CPNE8: variants seen among roughly 807,000 people sequenced by gnomAD.
CPNE8 encodes the protein copine 8, also known as copine-8.
CPNE8 carries 45 observed loss-of-function variants against 81.5 expected under a neutral mutation model. That is an observed-to-expected ratio of 0.55 (90% CI 0.44 to 0.71). The LOEUF is 0.71. Among genes scored for constraint, CPNE8 ranks in the 30% least tolerant of loss-of-function variants. CPNE8 has a pLI of 0.00. For missense variants in CPNE8, 594 were observed against 672.1 expected, an observed-to-expected ratio of 0.88 and a Z score of 1.28; for synonymous variants, 252 against 226.3, an observed-to-expected ratio of 1.11 and a Z score of -1.02.
chr12:38,791,893 A>G (rs1942331805), intron 6 of CPNE8, among the ~76,000 whole-genome samples: 1 of 151,624 alleles, frequency 6.6e-6, no homozygotes, highest in Admixed American at 6.6e-5. Context: ...ATATTTTTCA[A>G]TTACAATGGA....
chr12:38,790,723 T>C (rs826837), intron 6 of CPNE8, among the ~76,000 whole-genome samples: 122,495 of 151,536 alleles, frequency 0.81, 51,705 homozygotes, highest in Non-Finnish European at 0.93. Context: ...TAAATATATA[T>C]ACCACTATGT....
chr12:38,850,584 C>T (rs138444362), intron 3 of CPNE8, among the ~76,000 whole-genome samples: 1 of 152,308 alleles, frequency 6.6e-6, no homozygotes, highest in African/African-American at 2.4e-5. Flanking sequence ...TCTTCTACCA[C>T]ACAGCCCTGA....
At chr12:38,697,166 G>A (rs766186381) in intron 14 of CPNE8, among the ~76,000 whole-genome samples, 7 of 152,078 alleles carry the variant, frequency 4.6e-5, no homozygotes, top group Admixed American at 6.5e-5. Flanking sequence ...AAAAGAAACC[G>A]TACCCATTAG....
chr12:38,902,415 GAA>G (rs371700267), intron 1 of CPNE8, among the ~76,000 whole-genome samples: 3,451 of 98,410 alleles, frequency 0.035, 501 homozygotes, highest in African/African-American at 0.15. Context: ...AAGAAAGAAA[GAA>G]AAAGAAAGAA....
At chr12:38,827,885 G>A (rs1050902873) in intron 6 of CPNE8, among the ~76,000 whole-genome samples, 3 of 152,122 alleles carry the variant, frequency 2.0e-5, no homozygotes, top group African/African-American at 7.2e-5. Flanking sequence ...CTTATTACCT[G>A]GGTGATGAAA....
intron 10 of CPNE8, among the ~76,000 whole-genome samples, chr12:38,760,435 G>GGATA (rs71449467): frequency 7.9e-6 from 1 of 127,276 alleles, no homozygotes; most frequent in South Asian, 2.4e-4. Context: ...TGTATGGTGT[G>GGATA]TATATATATA....
chr12:38,806,708 T>C (rs1289784090), intron 6 of CPNE8, among the ~76,000 whole-genome samples: 3 of 140,536 alleles, frequency 2.1e-5, no homozygotes, highest in Non-Finnish European at 4.7e-5. Context: ...AGGGATGCCC[T>C]CTCTCACCAC....
chr12:38,810,360 A>C (rs560378402), intron 6 of CPNE8, among the ~76,000 whole-genome samples: 62 of 152,274 alleles, frequency 4.1e-4, no homozygotes, highest in African/African-American at 1.5e-3. Flanking sequence ...CCTTTTGTGC[A>C]ACTGAATATT....
intron 6 of CPNE8, among the ~76,000 whole-genome samples, chr12:38,785,688 G>C (rs964173640): frequency 6.6e-6 from 1 of 152,076 alleles, no homozygotes; most frequent in African/African-American, 2.4e-5. Context: ...TCAAGCTCAG[G>C]TATGTCTTTA....
intron 18 of CPNE8, among the ~76,000 whole-genome samples, chr12:38,673,556 T>C (rs1464001363): frequency 6.6e-6 from 1 of 152,138 alleles, no homozygotes; most frequent in African/African-American, 2.4e-5. Flanking sequence ...AAGCACCTGT[T>C]GTCGCCTAGC....
chr12:38,808,808 A>T (rs1007837879), intron 6 of CPNE8, among the ~76,000 whole-genome samples: 18 of 151,948 alleles, frequency 1.2e-4, no homozygotes, highest in Admixed American at 2.6e-4. Flanking sequence ...AAAAACCAGT[A>T]AGAAAATTTT....
intron 5 of CPNE8, among the ~76,000 whole-genome samples, chr12:38,833,566 C>A (rs1286211145): frequency 2.0e-5 from 3 of 149,892 alleles, no homozygotes; most frequent in African/African-American, 4.9e-5. Context: ...GCAAGCTCCA[C>A]TTCCTGGGTT....
At chr12:38,760,415 C>T (rs955834751) in intron 10 of CPNE8, among the ~76,000 whole-genome samples, 6 of 117,988 alleles carry the variant, frequency 5.1e-5, no homozygotes, top group Non-Finnish European at 9.7e-5. Flanking sequence ...ACACAATTCT[C>T]GAGTTTTGTT....
rs528688857 is a variant in CPNE8 at position 38,837,586 on chromosome 12, G to A, written c.330+2330C>T. 8.5e-5 allele frequency among the ~76,000 whole-genome samples: 13 copies of A among 152,122 alleles called. No individual in the cohort carries two copies. The Middle Eastern group carries it at 0.014, about 159-fold the overall frequency. On this transcript the variant is annotated intron_variant, in intron 5 of 19. Transcript: ENST00000331366. Reference sequence around the variant, plus strand: ...AAAATAATATTTAGGGATAAGAGGAGGAAATAAAGCTTAAAGTGACAGATA... The same window carrying A: ...AAAATAATATTTAGGGATAAGAGGAAGAAATAAAGCTTAAAGTGACAGATA...
At chr12:38,883,318 G>A (rs1324932358) in intron 1 of CPNE8, among the ~76,000 whole-genome samples, 1 of 152,124 alleles carries the variant, frequency 6.6e-6, no homozygotes, top group East Asian at 1.9e-4. Flanking sequence ...ATATCATTCA[G>A]AACAAAATGA....
chr12:38,718,145 G>A (rs767627951), intron 13 of CPNE8, among the ~76,000 whole-genome samples: 6 of 152,050 alleles, frequency 3.9e-5, no homozygotes, highest in Non-Finnish European at 7.4e-5. Flanking sequence ...ATAGCCCAAG[G>A]TTTTTGTTTA....
chr12:38,736,847 G>A (rs1940966257), intron 10 of CPNE8, among the ~76,000 whole-genome samples: 1 of 151,890 alleles, frequency 6.6e-6, no homozygotes, highest in Non-Finnish European at 1.5e-5. Context: ...AAAGTAGAAT[G>A]GAATTTATTT....
chr12:38,703,847 G>A (rs1236618485), intron 13 of CPNE8, among the ~76,000 whole-genome samples: 2 of 151,972 alleles, frequency 1.3e-5, no homozygotes, highest in African/African-American at 2.4e-5. Context: ...ATTCACAAGA[G>A]TGACACACAC....
At chr12:38,771,986 T>G (rs1292684380) in intron 7 of CPNE8, among the ~76,000 whole-genome samples, 1 of 152,154 alleles carries the variant, frequency 6.6e-6, no homozygotes, top group African/African-American at 2.4e-5. Flanking sequence ...TGGGGCCCCA[T>G]GGAAGGTGTT....
Sources: gnomAD v4.1 joint callset for allele counts (sites outside exome capture counted in the v4.1 genomes callset) on GRCh38, gnomAD v4.1.1 for gene constraint, MANE v1.5 for transcripts, NCBI Gene and HGNC (gene_info 2026-07-23, HGNC 2026-07-21) for gene names.